The following CHRM3 variants were observed in gnomAD, a reference collection of about 807,000 sequenced individuals.
CHRM3 encodes the protein muscarinic acetylcholine receptor M3.
In CHRM3, 11 loss-of-function variants were observed where a neutral mutation model predicts 41.8. The observed-to-expected ratio is 0.26, with a 90% CI of 0.17 to 0.44. The LOEUF (loss-of-function observed/expected upper bound fraction) is 0.44. Among genes scored for constraint, CHRM3 ranks in the 20% least tolerant of loss-of-function variants. The pLI is 1.00. For synonymous variants in CHRM3, 297 were observed against 301.4 expected (o/e 0.99, Z 0.15); for missense variants, 571 against 745.4 (o/e 0.77, Z 2.72).
intron 5 of CHRM3, among the ~76,000 whole-genome samples, chr1:239,810,456 G>A (rs1035006912): frequency 2.6e-5 from 4 of 152,192 alleles, no homozygotes; most frequent in Admixed American, 1.3e-4. Flanking sequence ...ACTTCCTGCT[G>A]TGAGATCAAA....
chr1:239,867,956 G>A (rs1349513093), intron 6 of CHRM3, among the ~76,000 whole-genome samples: 3 of 152,234 alleles, frequency 2.0e-5, no homozygotes, highest in South Asian at 2.1e-4. Context: ...CATACGCTTC[G>A]GAGGAGCCTG....
At chr1:239,468,391 G>A (rs557742140) in intron 1 of CHRM3, among the ~76,000 whole-genome samples, 7 of 152,216 alleles carry the variant, frequency 4.6e-5, no homozygotes, top group African/African-American at 1.2e-4. Context: ...TTTTCTATGA[G>A]TAATGACTCA....
chr1:239,507,015 A>G (rs1668616198), intron 2 of CHRM3, among the ~76,000 whole-genome samples: 1 of 152,066 alleles, frequency 6.6e-6, no homozygotes, highest in African/African-American at 2.4e-5. Context: ...CTGTGTCCCC[A>G]TTGTTTCTAG....
chr1:239,530,038 C>T (rs1412225273), intron 2 of CHRM3, among the ~76,000 whole-genome samples: 1 of 151,990 alleles, frequency 6.6e-6, no homozygotes, highest in Non-Finnish European at 1.5e-5. Context: ...GCTGGGACTG[C>T]AGGTGCCCGC....
chr1:239,542,788 G>A (rs918554245), intron 2 of CHRM3, among the ~76,000 whole-genome samples: 1 of 152,118 alleles, frequency 6.6e-6, no homozygotes, highest in Non-Finnish European at 1.5e-5. Context: ...TCTGCTTGAA[G>A]ATAAATCTTT....
intron 6 of CHRM3, among the ~76,000 whole-genome samples, chr1:239,904,446 A>G (rs1431358489): frequency 3.3e-5 from 5 of 152,224 alleles, no homozygotes; most frequent in Non-Finnish European, 7.3e-5. Flanking sequence ...GTCCTTGTGA[A>G]TATACATAGT....
At chr1:239,624,717 T>C (rs1307949392) in intron 3 of CHRM3, among the ~76,000 whole-genome samples, 1 of 90,804 alleles carries the variant, frequency 1.1e-5, no homozygotes, top group African/African-American at 4.8e-5. Flanking sequence ...TTTCTACATA[T>C]GGCTAGCCAG....
intron 4 of CHRM3, among the ~76,000 whole-genome samples, chr1:239,637,913 T>A (rs4659924): frequency 1.6e-5 from 1 of 63,482 alleles, no homozygotes; most frequent in African/African-American, 6.6e-5. Flanking sequence ...CCCTCCCCCC[T>A]CCCCCCACCC....
chr1:239,678,718 TG>T (rs1658247305), intron 5 of CHRM3, among the ~76,000 whole-genome samples: 1 of 152,126 alleles, frequency 6.6e-6, no homozygotes, highest in East Asian at 1.9e-4. Context: ...TAGAGAAAAC[TG>T]TGTAACAACT....
chr1:239,781,163 G>T (rs1009544361), intron 5 of CHRM3, among the ~76,000 whole-genome samples: 1 of 152,046 alleles, frequency 6.6e-6, no homozygotes, highest in East Asian at 1.9e-4. Context: ...GATTTTGATT[G>T]GGATTGTATT....
intron 6 of CHRM3, among the ~76,000 whole-genome samples, chr1:239,894,621 C>T (rs977112964): frequency 6.6e-6 from 1 of 151,886 alleles, no homozygotes; most frequent in African/African-American, 2.4e-5. Flanking sequence ...TTAGTAGAGA[C>T]GGGGTTTCAC....
At chr1:239,488,516 C>A (rs1423368421) in intron 1 of CHRM3, among the ~76,000 whole-genome samples, 1 of 151,628 alleles carries the variant, frequency 6.6e-6, no homozygotes, top group Non-Finnish European at 1.5e-5. Flanking sequence ...GAAATCGAGA[C>A]CATCCTGGCT....
In CHRM3 at chr1:239,749,865, G is replaced by A. The variant is rs566929125; in HGVS notation, c.-147+71577G>A. Among the ~76,000 whole-genome samples, 3 of 152,310 alleles carry A rather than the reference G, an allele frequency of 2.0e-5. No homozygotes were observed. In the East Asian group the frequency reaches 5.8e-4, roughly 29 times the overall value. On this transcript the variant is annotated intron_variant, in intron 5 of 6. Transcript: ENST00000676153. ...CTCAAAATACTTCATTTAAGGTATTGAAGAAGTTTCCTGGCCAAATGGTGA... is the reference window on the plus strand; with the variant it reads ...CTCAAAATACTTCATTTAAGGTATTAAAGAAGTTTCCTGGCCAAATGGTGA...
intron 5 of CHRM3, among the ~76,000 whole-genome samples, chr1:239,763,814 G>A (rs1666995244): frequency 6.6e-6 from 1 of 151,806 alleles, no homozygotes; most frequent in Admixed American, 6.6e-5. Context: ...CTTGGGGGCT[G>A]GCTGGACATG....
chr1:239,708,867 T>C (rs1661476388), intron 5 of CHRM3, among the ~76,000 whole-genome samples: 1 of 148,956 alleles, frequency 6.7e-6, no homozygotes, highest in African/African-American at 2.5e-5. Context: ...TCAGTCACCA[T>C]GATTCAAATA....
chr1:239,642,484 T>G (rs1324856586), intron 4 of CHRM3, among the ~76,000 whole-genome samples: 1 of 152,164 alleles, frequency 6.6e-6, no homozygotes, highest in Non-Finnish European at 1.5e-5. Context: ...CTTTTTTATC[T>G]AAACTTCCCT....
chr1:239,642,716 C>T (rs534465788), intron 4 of CHRM3, among the ~76,000 whole-genome samples: 80 of 152,194 alleles, frequency 5.3e-4, no homozygotes, highest in Non-Finnish European at 9.0e-4. Context: ...TTTGAATTTC[C>T]TCCTGTAGCT....
chr1:239,640,228 T>G (rs1270931601), intron 4 of CHRM3, among the ~76,000 whole-genome samples: 1 of 152,154 alleles, frequency 6.6e-6, no homozygotes, highest in East Asian at 1.9e-4. Context: ...AAAATTCTCT[T>G]TTTTGGTAGT....
At chr1:239,873,202 C>G (rs575557626) in intron 6 of CHRM3, among the ~76,000 whole-genome samples, 2 of 152,110 alleles carry the variant, frequency 1.3e-5, no homozygotes, top group African/African-American at 4.8e-5. Flanking sequence ...AGTTCATAAC[C>G]ATTCCATATA....
Sources: allele counts gnomAD v4.1 joint callset (sites outside exome capture counted in the v4.1 genomes callset), GRCh38; gene constraint gnomAD v4.1.1; transcripts MANE v1.5; gene names NCBI Gene and HGNC (gene_info 2026-07-23, HGNC 2026-07-21).